The following PIKFYVE variants were observed in gnomAD, a reference collection of about 807,000 sequenced individuals.
The protein encoded by PIKFYVE is 1-phosphatidylinositol 3-phosphate 5-kinase.
PIKFYVE carries 122 observed loss-of-function variants against 257.9 expected under a neutral mutation model. That is an observed-to-expected ratio of 0.47 (90% CI 0.41 to 0.55). The LOEUF (loss-of-function observed/expected upper bound fraction) is 0.55, where lower values mean the gene tolerates loss of function less well. Among genes scored for constraint, PIKFYVE ranks in the 20% least tolerant of loss-of-function variants. PIKFYVE has a pLI of 0.00. For synonymous variants in PIKFYVE, 892 were observed against 868.9 expected (o/e 1.03, Z -0.47); for missense variants, 2,160 against 2,536.6 (o/e 0.85, Z 3.19).
chr2:208,348,599 A>AAGTGTGTGTGTGTGT (rs559057437), intron 35 of PIKFYVE, among the ~76,000 whole-genome samples: 1 of 128,986 alleles, frequency 7.8e-6, no homozygotes, highest in African/African-American at 3.0e-5. Context: ...AAAAAAAAAA[A>AAGTGTGTGTGTGTGT]GTGTGTGTGT....
rs972309564 is a variant in PIKFYVE at position 208,304,830 on chromosome 2, T to C, written c.1469-16T>C. 1 of 1,611,694 alleles carries C rather than the reference T, an allele frequency of 6.2e-7. No homozygotes were observed. Among genetic ancestry groups the C allele is most frequent in the African/African-American group, 1.3e-5 (1 of 74,868 alleles). On this transcript the variant is annotated splice_polypyrimidine_tract_variant and intron_variant, in intron 11 of 41. Coordinates refer to ENST00000264380, the MANE Select transcript of PIKFYVE (RefSeq NM_015040.4). ...CTCCTCTCCCTATATTTCTTTCCCC[T>C]TCCCAACACTAAAAGATTCTGCCAG...
In PIKFYVE at chr2:208,355,712, G is replaced by A. The variant is rs1375228729; in HGVS notation, c.*407G>A. On this transcript the variant is annotated 3_prime_UTR_variant, in exon 42 of 42. Coordinates refer to ENST00000264380, the MANE Select transcript of PIKFYVE (RefSeq NM_015040.4). ...TATCTACTTAGAAAGCATTTGTAGA[G>A]CTGCTGAATTTGTTTTGTGTTTTTC... The A allele has an allele frequency of 1.9e-5, 3 of 154,806 alleles. No homozygotes were observed. The highest frequency in any genetic ancestry group is 7.2e-5 in the African/African-American group (3 of 41,484). 9.6% of individuals were successfully genotyped at this position (154,806 alleles called of 1,614,324 possible).
chr2:208,309,425 C>G (rs983612393), intron 12 of PIKFYVE, among the ~76,000 whole-genome samples: 2 of 152,028 alleles, frequency 1.3e-5, no homozygotes, highest in African/African-American at 4.8e-5. Context: ...TGTGATGTGC[C>G]AACCCCGCAC....
intron 1 of PIKFYVE, among the ~76,000 whole-genome samples, chr2:208,270,115 C>T (rs1292852298): frequency 5.4e-5 from 8 of 147,078 alleles, no homozygotes; most frequent in African/African-American, 1.0e-4. Context: ...GTGATCGGCT[C>T]GCTGTAACCT....
In PIKFYVE at chr2:208,266,390, CGGCGCGGCCGG is replaced by C. The variant is rs1559373821; in HGVS notation, c.-31_-21del. On this transcript the variant is annotated 5_prime_UTR_variant, in exon 1 of 42. Transcript: ENST00000264380. ...AGCGGAGGCTGGGGCGGGGGGCAGCCGGCGCGGCCGGGGCAGGAGGCGCAGGTAAGGGAGGG... is the reference window on the plus strand; with the variant it reads ...AGCGGAGGCTGGGGCGGGGGGCAGCCGGCAGGAGGCGCAGGTAAGGGAGGG... 1 of 152,272 alleles carries C rather than the reference CGGCGCGGCCGG, an allele frequency of 6.6e-6. No individual in the cohort carries two copies. The highest frequency in any genetic ancestry group is 2.4e-5 in the African/African-American group (1 of 41,324). 9.4% of individuals were successfully genotyped at this position (152,272 alleles called of 1,614,324 possible). A position where few individuals can be genotyped will look rare whatever the true frequency, so the allele number is the denominator to read the frequency against.
intron 12 of PIKFYVE, among the ~76,000 whole-genome samples, chr2:208,310,594 GA>G (rs1694833879): frequency 1.3e-5 from 2 of 152,138 alleles, no homozygotes; most frequent in African/African-American, 4.8e-5. Context: ...TAAATCTCTA[GA>G]TGTAGTTTTC....
At chr2:208,291,391 G>T (rs922879047) in intron 7 of PIKFYVE, among the ~76,000 whole-genome samples, 2 of 151,986 alleles carry the variant, frequency 1.3e-5, no homozygotes, top group Non-Finnish European at 1.5e-5. Flanking sequence ...TGTTGGATTG[G>T]ATTTGTTACT....
intron 3 of PIKFYVE, among the ~76,000 whole-genome samples, chr2:208,274,918 T>C (rs1195079478): frequency 6.6e-6 from 1 of 152,206 alleles, no homozygotes; most frequent in Non-Finnish European, 1.5e-5. Context: ...TAAAATGTAA[T>C]ATTTTAGGAG....
At chr2:208,303,188 A>G (rs896112577) in intron 10 of PIKFYVE, among the ~76,000 whole-genome samples, 1 of 152,076 alleles carries the variant, frequency 6.6e-6, no homozygotes, top group African/African-American at 2.4e-5. Context: ...AAAAAGATAT[A>G]CTTTCACTCT....
At chr2:208,274,554 C>G (rs1010396575) in intron 3 of PIKFYVE, among the ~76,000 whole-genome samples, 2 of 152,070 alleles carry the variant, frequency 1.3e-5, no homozygotes. Flanking sequence ...ATTGTGAGTT[C>G]AGACTTGGTC....
At position 208,304,957 on chromosome 2, in the gene PIKFYVE, A is replaced by G. The variant is rs748643011; in HGVS notation, c.1580A>G (p.His527Arg). The G allele has an allele frequency of 2.5e-6, 4 of 1,614,116 alleles. No individual in the cohort carries two copies. The highest frequency in any genetic ancestry group is 2.5e-6 in the Non-Finnish European group (3 of 1,179,996). ...LNVELDNVNF[H>R]IKKPSKYPHV... Reference sequence around the variant, plus strand: ...GTGGAGCTGGACAACGTGAACTTCCATATCAAGAAGCCCTCCAAGTACCCA... The same window carrying G: ...GTGGAGCTGGACAACGTGAACTTCCGTATCAAGAAGCCCTCCAAGTACCCA... Residue 527 changes from histidine to arginine, a missense_variant, in exon 12 of 42, where the codon CAT (histidine) becomes CGT (arginine). Physicochemically the swap from His to Arg is conservative, Grantham distance 29 (BLOSUM62 0). Coordinates refer to ENST00000264380, the MANE Select transcript of PIKFYVE (RefSeq NM_015040.4).
rs1699395019 is a variant in PIKFYVE, at chr2:208,347,991, AG to A, written c.5346del (p.Thr1783ProfsTer12). 1 of 1,614,046 alleles carries A rather than the reference AG, an allele frequency of 6.2e-7. No homozygotes were observed. Among genetic ancestry groups the A allele is most frequent in the African/African-American group, 1.3e-5 (1 of 74,928 alleles). Reference sequence around the variant, plus strand: ...TACCAGGTTGGGCAGACGGGCAAGGAGGGGACCGAGAATCAAGGCGTTGAGC... The same window carrying A: ...TACCAGGTTGGGCAGACGGGCAAGGAGGGACCGAGAATCAAGGCGTTGAGC... ...AYYQVGQTGK[E>X]GTENQGVEPQ... On this transcript the variant is annotated frameshift_variant, in exon 35 of 42. Transcript: ENST00000264380. LOFTEE classifies it high-confidence loss of function.
chr2:208,323,506 A>G (rs1201361762), intron 17 of PIKFYVE, among the ~76,000 whole-genome samples: 3 of 152,238 alleles, frequency 2.0e-5, no homozygotes, highest in East Asian at 3.9e-4. Context: ...AATCCAGTCT[A>G]TCATTGTTGG....
intron 17 of PIKFYVE, among the ~76,000 whole-genome samples, chr2:208,321,577 T>TTTC (rs779606291): frequency 0.89 from 119,925 of 135,196 alleles, 52,546 homozygotes; most frequent in East Asian, 0.93. Flanking sequence ...TTTCTTTTGT[T>TTTC]TTTTTTTTTT....
In PIKFYVE at chr2:208,347,780, A is replaced by G. The variant is rs1041253052; in HGVS notation, c.5210-79A>G. 7 of 1,302,588 alleles carry G rather than the reference A, an allele frequency of 5.4e-6. No homozygotes were observed. In the African/African-American group the frequency reaches 5.9e-5, roughly 11 times the overall value. 80.7% of individuals were successfully genotyped at this position (1,302,588 alleles called of 1,614,324 possible). On this transcript the variant is annotated intron_variant, in intron 34 of 41. Transcript: ENST00000264380. ...GCTTCATATAGTGGTTACAACTAAC[A>G]AAGAAATGAGCTGAAAATTTTTATT...
chr2:208,351,002 C>A lies in PIKFYVE; in HGVS notation c.5611+55C>A. ...TTCAGTAGTCTTCATCTCTTTACCT[C>A]AGAAAATGCAGCAGGAAGGATATTG... On this transcript the variant is annotated intron_variant, in intron 37 of 41. Coordinates refer to ENST00000264380, the MANE Select transcript of PIKFYVE (RefSeq NM_015040.4). The A allele has an allele frequency of 1.3e-6, 2 of 1,596,586 alleles. 1 individual carries two copies. Among genetic ancestry groups the A allele is most frequent in the Non-Finnish European group, 1.7e-6 (2 of 1,164,802 alleles).
chr2:208,315,063 A>G (rs1445941723), intron 14 of PIKFYVE, 130 bp from the exon 15 acceptor site: 1 of 856,392 alleles, frequency 1.2e-6, no homozygotes, highest in Non-Finnish European at 1.9e-6. Context: ...AATGATATTG[A>G]CCTAGAAAAT....
At chr2:208,345,967 A>G in intron 33 of PIKFYVE, 83 bp from the exon 34 acceptor site, 1 of 927,052 alleles carries the variant, frequency 1.1e-6, no homozygotes. Flanking sequence ...ATCAGTGTAC[A>G]GCGTAATTAG....
intron 6 of PIKFYVE, among the ~76,000 whole-genome samples, chr2:208,287,667 C>A (rs1574461653): frequency 6.6e-6 from 1 of 152,230 alleles, no homozygotes; most frequent in Non-Finnish European, 1.5e-5. Flanking sequence ...GTGGCGTGAT[C>A]TTGACTCACT....
Sources: gnomAD v4.1 joint callset for allele counts (sites outside exome capture counted in the v4.1 genomes callset) on GRCh38, gnomAD v4.1.1 for gene constraint, MANE v1.5 for transcripts, NCBI Gene and HGNC (gene_info 2026-07-23, HGNC 2026-07-21) for gene names.